FMN1: variants seen among roughly 807,000 people sequenced by gnomAD.
FMN1 encodes the protein formin-1.
FMN1 carries 110 observed loss-of-function variants against 132.4 expected under a neutral mutation model. The observed-to-expected ratio is 0.83, with a 90% confidence interval of 0.71 to 0.97. FMN1 has a LOEUF of 0.97. FMN1 is among the 50% of genes least tolerant of loss of function. The probability of loss-of-function intolerance (pLI) is 0.00; values close to 1 mark genes in which losing one functional copy is unlikely to be tolerated. For missense variants in FMN1, 1,792 were observed against 1,705.3 expected (o/e 1.05, Z -0.90); for synonymous variants, 722 against 651.7 (o/e 1.11, Z -1.64).
At chr15:33,011,338 T>G (rs2034707601) in intron 6 of FMN1, among the ~76,000 whole-genome samples, 1 of 152,002 alleles carries the variant, frequency 6.6e-6, no homozygotes, top group Admixed American at 6.6e-5. Context: ...AACTATTGGC[T>G]GGGAAAAAAA....
intron 3 of FMN1, among the ~76,000 whole-genome samples, chr15:33,169,134 C>T (rs1965219853): frequency 1.3e-5 from 2 of 152,108 alleles, no homozygotes; most frequent in South Asian, 2.1e-4. Flanking sequence ...TCTCAACAGT[C>T]TGTTAATTGA....
In FMN1 at chr15:32,964,275, C is replaced by G. The variant is rs77498561; in HGVS notation, c.2988-18G>C. On this transcript the variant is annotated intron_variant, in intron 8 of 20. Transcript: ENST00000616417. ...CATTTTGGCTTAAAAGAGAAAATGA[C>G]AAGTTAACCATAAGAACCAAAACAG... 2 of 1,539,194 alleles carry G rather than the reference C, an allele frequency of 1.3e-6. No homozygotes were observed. Among genetic ancestry groups the G allele is most frequent in the African/African-American group, 1.4e-5 (1 of 72,988 alleles).
At chr15:33,027,646 G>A (rs1447852923) in intron 6 of FMN1, among the ~76,000 whole-genome samples, 1 of 152,010 alleles carries the variant, frequency 6.6e-6, no homozygotes, top group Non-Finnish European at 1.5e-5. Context: ...TTTCCCCCAA[G>A]TAATCTGATC....
chr15:33,153,217 G>C lies in FMN1; in HGVS notation c.1698C>G (p.Val566=). 2 of 1,536,126 alleles carry C rather than the reference G, an allele frequency of 1.3e-6. No homozygotes were observed. The highest frequency in any genetic ancestry group is 1.7e-6 in the Non-Finnish European group (2 of 1,146,922). The change falls in exon 4 of 21, where the codon GTC becomes GTG. Residue 566 remains valine (V), a synonymous_variant. Transcript: ENST00000616417. ...ATGGTGGCTCCAAGGTGTCAGCAGA[G>C]ACGCACCCAGAGAAGACACGGCTCT... The part of the protein sequence containing the change: ...CRKSRVFSGC[V]SADTLEPPSS...
rs911135099 is a variant in FMN1, at chr15:33,106,461, T to A, written c.1868-17487A>T. Among the ~76,000 whole-genome samples, 4 of 152,160 alleles carry A rather than the reference T, an allele frequency of 2.6e-5. 1 individual carries two copies. The highest frequency in any genetic ancestry group is 6.5e-5 in the Admixed American group (1 of 15,268). ...AAATCTATTAGCTTTTAGAGGAATT[T>A]TGAGTCATTCTGATATATCCCCAAA... On this transcript the variant is annotated intron_variant, in intron 4 of 20. Coordinates refer to ENST00000616417, the MANE Select transcript of FMN1 (RefSeq NM_001277313.2).
intron 6 of FMN1, among the ~76,000 whole-genome samples, chr15:33,026,789 T>G (rs1319330193): frequency 6.6e-6 from 1 of 152,118 alleles, no homozygotes; most frequent in African/African-American, 2.4e-5. Flanking sequence ...GAGTGGAATT[T>G]TCTAGTAAAC....
At chr15:32,955,843 C>G (rs2061755226) in intron 9 of FMN1, among the ~76,000 whole-genome samples, 1 of 151,774 alleles carries the variant, frequency 6.6e-6, no homozygotes, top group Non-Finnish European at 1.5e-5. Context: ...GCGCACGTGT[C>G]TGTGTGTGTG....
chr15:33,188,336 T>A (rs1965960910), intron 2 of FMN1, among the ~76,000 whole-genome samples: 1 of 152,042 alleles, frequency 6.6e-6, no homozygotes, highest in Admixed American at 6.5e-5. Flanking sequence ...GGAGACTTTG[T>A]CTCAAAAAAA....
Position 33,153,546 on chromosome 15 carries a change from T to C in FMN1, c.1369A>G (p.Lys457Glu), listed in dbSNP as rs569987738. 6 of 1,536,224 alleles carry C rather than the reference T, an allele frequency of 3.9e-6. No homozygotes were observed. The highest frequency in any genetic ancestry group is 1.4e-5 in the African/African-American group (1 of 73,150). Reference sequence around the variant, plus strand: ...CCAAGGGGCAACCCGGCTCTCCTCTTGTTTCTCGTTTCTGGGCGAGTGTGA... The same window carrying C: ...CCAAGGGGCAACCCGGCTCTCCTCTCGTTTCTCGTTTCTGGGCGAGTGTGA... Reference protein sequence around the residue: ...VPHTRPETRNKRRAGLPLGGH... With the variant: ...VPHTRPETRNERRAGLPLGGH... The change falls in exon 4 of 21, where the codon AAG becomes GAG. Residue 457 changes from lysine to glutamate, a missense_variant. Physicochemically the swap from Lys to Glu is moderately conservative, Grantham distance 56. Around this residue, in one of 3 missense-constraint regions of FMN1, gnomAD observed 638 missense variants for 645.2 expected, o/e 0.99. Transcript: ENST00000616417.
intron 7 of FMN1, among the ~76,000 whole-genome samples, chr15:32,997,900 A>C (rs1596435043): frequency 6.6e-6 from 1 of 152,318 alleles, no homozygotes. Flanking sequence ...CACAAATGTA[A>C]ATGTCCATAA....
At chr15:32,933,352 TC>T (rs1196516242) in intron 9 of FMN1, among the ~76,000 whole-genome samples, 2 of 152,214 alleles carry the variant, frequency 1.3e-5, no homozygotes, top group Non-Finnish European at 2.9e-5. Context: ...ATGGTATAAT[TC>T]CAATTTTTAA....
At chr15:33,115,584 C>T (rs74008216) in intron 4 of FMN1, among the ~76,000 whole-genome samples, 3 of 150,400 alleles carry the variant, frequency 2.0e-5, no homozygotes, top group South Asian at 2.1e-4. Flanking sequence ...CTATCTTTTA[C>T]ATTCAAATAA....
chr15:32,837,555 T>C (rs1003873426), intron 17 of FMN1, among the ~76,000 whole-genome samples: 1 of 152,064 alleles, frequency 6.6e-6, no homozygotes, highest in African/African-American at 2.4e-5. Context: ...TGTTTAGAGA[T>C]TGGGAAGATG....
chr15:33,154,678 G>A lies in FMN1; in HGVS notation c.237C>T (p.Pro79=), dbSNP rs1399077. ...HPGDIFFKQT[P]TKDILTELYK... is the part of the protein sequence containing the mutation. ...ACAGCTCAGTTAGAATGTCTTTCGT[G>A]GGAGTCTGCTTGAAAAATATGTCGC... Residue 79 remains proline (P), a synonymous_variant, in exon 4 of 21, where the codon CCC becomes CCT. Transcript: ENST00000616417. The A allele has an allele frequency of 1.3e-6, 2 of 1,535,962 alleles. No homozygotes were observed. The highest frequency in any genetic ancestry group is 1.2e-5 in the South Asian group (1 of 84,052).
chr15:32,905,974 T>A (rs967907663), intron 12 of FMN1, among the ~76,000 whole-genome samples: 1 of 152,218 alleles, frequency 6.6e-6, no homozygotes, highest in Non-Finnish European at 1.5e-5. Flanking sequence ...TCCTTTTTGC[T>A]GGGTTTGCGT....
chr15:32,890,126 T>C (rs924123791), intron 15 of FMN1, among the ~76,000 whole-genome samples: 4 of 143,734 alleles, frequency 2.8e-5, no homozygotes, highest in African/African-American at 8.2e-5. Flanking sequence ...GGCTGAGTAG[T>C]ATTCGATTGT....
chr15:33,018,603 G>A (rs1322723841), intron 6 of FMN1, among the ~76,000 whole-genome samples: 1 of 152,132 alleles, frequency 6.6e-6, no homozygotes, highest in African/African-American at 2.4e-5. Context: ...CCCGTACCTT[G>A]TCCTATGCAT....
chr15:33,125,524 A>G (rs920477734), intron 4 of FMN1, among the ~76,000 whole-genome samples: 4 of 152,240 alleles, frequency 2.6e-5, no homozygotes, highest in African/African-American at 9.6e-5. Flanking sequence ...TCAAATTTGG[A>G]TATCTAAATT....
At chr15:32,807,896 G>C (rs1002950745) in intron 17 of FMN1, among the ~76,000 whole-genome samples, 3 of 152,202 alleles carry the variant, frequency 2.0e-5, no homozygotes, top group African/African-American at 7.2e-5. Context: ...GTGTGACTTG[G>C]AAGCTCTAAC....
Sources: gnomAD v4.1 joint callset for allele counts (sites outside exome capture counted in the v4.1 genomes callset) on GRCh38, gnomAD v4.1.1 for gene constraint, gnomAD v4.1.1 regional missense constraint, MANE v1.5 for transcripts, NCBI Gene and HGNC (gene_info 2026-07-23, HGNC 2026-07-21) for gene names.